Variants in PREX2 observed in about 807,000 individuals in gnomAD.
PREX2 encodes the protein phosphatidylinositol-3,4,5-trisphosphate dependent Rac exchange factor 2.
A neutral mutation model predicts 203.2 loss-of-function variants in PREX2; 107 were observed. That is an observed-to-expected ratio of 0.53 (90% CI 0.45 to 0.62). The LOEUF (loss-of-function observed/expected upper bound fraction) is 0.62, where lower values mean the gene tolerates loss of function less well. Ranked by LOEUF, PREX2 falls within the 20% of genes least tolerant of loss-of-function variation. The pLI, the probability that PREX2 is intolerant of heterozygous loss-of-function variation, is 0.00. For missense variants in PREX2, 1,777 were observed against 1,955.9 expected, an observed-to-expected ratio of 0.91 and a Z score of 1.72; for synonymous variants, 672 against 663.6, an observed-to-expected ratio of 1.01 and a Z score of -0.19.
chr8:68,231,623 T>G lies in PREX2; in HGVS notation c.*245T>G, dbSNP rs1411408736. The stretch of plus-strand genomic sequence containing the variant: ...AACTGATGTCTCTCTGTATTGACAT[T>G]AAGTATTCACTTTTAGAGTAAAATC... On this transcript the variant is annotated 3_prime_UTR_variant, in exon 40 of 40. Coordinates refer to ENST00000288368, the MANE Select transcript of PREX2 (RefSeq NM_024870.4). 3 of 359,350 alleles carry G rather than the reference T, an allele frequency of 8.3e-6. No individual in the cohort carries two copies. Among genetic ancestry groups the G allele is most frequent in the Non-Finnish European group, 1.5e-5 (3 of 202,524 alleles). 22.3% of individuals were successfully genotyped at this position (359,350 alleles called of 1,614,324 possible). A position where few individuals can be genotyped will look rare whatever the true frequency, so the allele number is the denominator to read the frequency against.
chr8:68,103,744 G>T (rs1810332572), intron 23 of PREX2: 3 of 519,398 alleles, frequency 5.8e-6, no homozygotes, highest in Non-Finnish European at 1.2e-5. Context: ...ACCTCTACTT[G>T]GTGGTTCTCC....
intron 14 of PREX2, among the ~76,000 whole-genome samples, chr8:68,075,711 AAGTATCTT>A (rs1466756579): frequency 1.3e-5 from 2 of 152,244 alleles, no homozygotes; most frequent in African/African-American, 4.8e-5. Context: ...TAGAAAAAAT[AAGTATCTT>A]TTGAATGAAT....
chr8:68,217,183 A>C (rs894152552), intron 37 of PREX2, among the ~76,000 whole-genome samples: 1 of 152,208 alleles, frequency 6.6e-6, no homozygotes, highest in Admixed American at 6.5e-5. Context: ...CTCAGTAAAT[A>C]GTAATTTCAC....
intron 32 of PREX2, among the ~76,000 whole-genome samples, chr8:68,136,482 G>C (rs1045183708): frequency 1.3e-5 from 2 of 152,110 alleles, no homozygotes; most frequent in Non-Finnish European, 2.9e-5. Flanking sequence ...ACAGCCAGTG[G>C]TCACTTGGGC....
At chr8:68,105,321 C>T (rs1398927258) in intron 23 of PREX2, 2 of 1,367,544 alleles carry the variant, frequency 1.5e-6, no homozygotes, top group African/African-American at 3.0e-5. Context: ...TGAGGACCTT[C>T]CTTCTCAAGA....
intron 34 of PREX2, among the ~76,000 whole-genome samples, chr8:68,152,289 G>GAAAAAAAAAAA (rs573525316): frequency 1.6e-4 from 12 of 72,920 alleles, no homozygotes; most frequent in African/African-American, 1.7e-4. Flanking sequence ...CCCTCTCAGA[G>GAAAAAAAAAAA]AAAAAAAAAA....
chr8:68,042,367 G>C (rs899151434), intron 7 of PREX2, among the ~76,000 whole-genome samples: 1 of 151,692 alleles, frequency 6.6e-6, no homozygotes, highest in Non-Finnish European at 1.5e-5. Flanking sequence ...ACATGATATT[G>C]CTTAGTTTGG....
chr8:68,037,167 A>G (rs144361847), intron 6 of PREX2, among the ~76,000 whole-genome samples: 140 of 152,330 alleles, frequency 9.2e-4, no homozygotes, highest in African/African-American at 2.7e-3. Flanking sequence ...TAAATTTTAA[A>G]TATGAAACAT....
intron 14 of PREX2, 86 bp downstream of exon 14, chr8:68,072,656 A>G (rs924918430): frequency 1.2e-5 from 9 of 759,204 alleles, no homozygotes; most frequent in South Asian, 3.3e-5. Context: ...ATTCTTTTTC[A>G]TCTGTAGCAG....
At chr8:68,067,312 G>A (rs79344798) in intron 11 of PREX2, among the ~76,000 whole-genome samples, 2,328 of 152,160 alleles carry the variant, frequency 0.015, 20 homozygotes, top group Non-Finnish European at 0.027. Context: ...GCTTTGAGTA[G>A]CAGGGACATT....
chr8:68,012,512 A>G (rs976772268), intron 1 of PREX2, among the ~76,000 whole-genome samples: 4 of 152,206 alleles, frequency 2.6e-5, no homozygotes, highest in Non-Finnish European at 5.9e-5. Context: ...GGATTTAGAC[A>G]TGCTGTTTGG....
At chr8:68,089,927 C>T (rs1180596762) in intron 19 of PREX2, among the ~76,000 whole-genome samples, 1 of 152,150 alleles carries the variant, frequency 6.6e-6, no homozygotes, top group African/African-American at 2.4e-5. Flanking sequence ...AATCTTAGCT[C>T]ACTGGTTAGG....
chr8:67,961,169 A>G (rs1422282258), intron 1 of PREX2, among the ~76,000 whole-genome samples: 6 of 152,168 alleles, frequency 3.9e-5, no homozygotes, highest in East Asian at 1.9e-4. Flanking sequence ...TTCTTTTAGT[A>G]TATACCTGGT....
chr8:68,166,136 G>A (rs1195906149), intron 35 of PREX2, among the ~76,000 whole-genome samples: 1 of 152,166 alleles, frequency 6.6e-6, no homozygotes, highest in South Asian at 2.1e-4. Flanking sequence ...TAAAGACAGA[G>A]ACTGAAGCCC....
chr8:68,119,199 G>C (rs1338517509), intron 27 of PREX2, among the ~76,000 whole-genome samples: 3 of 152,180 alleles, frequency 2.0e-5, no homozygotes, highest in Non-Finnish European at 2.9e-5. Context: ...AACATCATTT[G>C]AAAGAGTCTT....
intron 6 of PREX2, among the ~76,000 whole-genome samples, chr8:68,037,341 A>C (rs2129610692): frequency 6.6e-6 from 1 of 152,252 alleles, no homozygotes; most frequent in South Asian, 2.1e-4. Flanking sequence ...TCAGTGCATT[A>C]GTTATGATAG....
intron 35 of PREX2, among the ~76,000 whole-genome samples, chr8:68,162,184 T>C (rs1811669672): frequency 1.3e-5 from 2 of 152,080 alleles, no homozygotes; most frequent in South Asian, 2.1e-4. Context: ...CATATCACAG[T>C]TTTAACCTAG....
rs959821905 is a variant in PREX2 at position 68,030,766 on chromosome 8, T to G, written c.705+108T>G. On this transcript the variant is annotated intron_variant, in intron 6 of 39. Coordinates refer to ENST00000288368, the MANE Select transcript of PREX2 (RefSeq NM_024870.4). ...CCATAAATGGTCATTTTCTCAGATA[T>G]TACTTGAGGACTGTAGTCAATTCTG... 1.3e-5 allele frequency: 14 copies of G among 1,048,424 alleles called. No homozygotes were observed. In the African/African-American group the frequency reaches 1.6e-4, roughly 12 times the overall value. The allele number at this position is 1,048,424 out of a possible 1,614,324, so 64.9% of individuals were successfully genotyped here. A position where few individuals can be genotyped will look rare whatever the true frequency, so the allele number is the denominator to read the frequency against.
chr8:68,169,566 G>C (rs1281647116), intron 35 of PREX2, among the ~76,000 whole-genome samples: 4 of 152,062 alleles, frequency 2.6e-5, no homozygotes, highest in Non-Finnish European at 4.4e-5. Flanking sequence ...TGTTAGGTGA[G>C]TTATATGGAT....
Sources: gnomAD v4.1 joint callset for allele counts (sites outside exome capture counted in the v4.1 genomes callset) on GRCh38, gnomAD v4.1.1 for gene constraint, MANE v1.5 for transcripts, NCBI Gene and HGNC (gene_info 2026-07-23, HGNC 2026-07-21) for gene names.